METTL14: variants seen among roughly 807,000 people sequenced by gnomAD.
METTL14 encodes N(6)-adenosine-methyltransferase non-catalytic subunit METTL14.
In METTL14, 32 loss-of-function variants were observed where a neutral mutation model predicts 62.4. The ratio of observed to expected loss-of-function variants is 0.51; its 90% confidence interval spans 0.39 to 0.69. The LOEUF (loss-of-function observed/expected upper bound fraction) is 0.69, where lower values mean the gene tolerates loss of function less well. Among genes scored for constraint, METTL14 ranks in the 30% least tolerant of loss-of-function variants. The pLI is 0.00. For missense variants in METTL14, 340 were observed against 551.9 expected, an observed-to-expected ratio of 0.62 and a Z score of 3.85; for synonymous variants, 150 against 180.0, an observed-to-expected ratio of 0.83 and a Z score of 1.34.
chr4:118,695,534 G>A lies in METTL14; in HGVS notation c.503+1008G>A, dbSNP rs186232174. ...ATTGCACTTTAGCCTGGGTGACGGAGTGAGACTCCGTATTCTTGATAGCTT... is the reference window on the plus strand; with the variant it reads ...ATTGCACTTTAGCCTGGGTGACGGAATGAGACTCCGTATTCTTGATAGCTT... On this transcript the variant is annotated intron_variant, in intron 6 of 10. Coordinates refer to ENST00000388822, the MANE Select transcript of METTL14 (RefSeq NM_020961.4). Among the ~76,000 whole-genome samples the A allele has an allele frequency of 8.7e-4, 132 of 152,262 alleles. 1 individual carries two copies. The highest frequency in any genetic ancestry group is 3.0e-3 in the African/African-American group (126 of 41,560).
chr4:118,691,660 T>C (rs1462726450), intron 4 of METTL14, 48 bp downstream of exon 4: 9 of 932,884 alleles, frequency 9.6e-6, no homozygotes, highest in African/African-American at 1.7e-5. Context: ...ATTTAAGTTC[T>C]ATACCTGAAA....
At chr4:118,688,487 C>G (rs1724146491) in intron 2 of METTL14, among the ~76,000 whole-genome samples, 1 of 151,130 alleles carries the variant, frequency 6.6e-6, no homozygotes, top group Non-Finnish European at 1.5e-5. Context: ...TAATAAATAA[C>G]CCTAGGTAGG....
At position 118,691,554 on chromosome 4, in the gene METTL14, A is replaced by T. The variant is rs778592432; in HGVS notation, c.266A>T (p.Asp89Val). Residue 89 changes from aspartate to valine, a missense_variant, in exon 4 of 11, where the codon GAT becomes GTT. Physicochemically the swap from Asp to Val is radical, Grantham distance 152. Transcript: ENST00000388822. ...EYKDELEMQQ[D>V]EENLPYEEEI... ...AAGGATGAACTAGAAATGCAACAGG[A>T]TGAAGAAAATTTGCCATATGAAGAA... 7 of 1,555,340 alleles carry T rather than the reference A, an allele frequency of 4.5e-6. No individual in the cohort carries two copies. The East Asian group carries it at 1.2e-4, about 26-fold the overall frequency.
At chr4:118,699,556 A>G (rs1724524117) in intron 7 of METTL14, among the ~76,000 whole-genome samples, 1 of 152,164 alleles carries the variant, frequency 6.6e-6, no homozygotes, top group South Asian at 2.1e-4. Context: ...ATTAAAAACC[A>G]TTTTTTATCA....
intron 3 of METTL14, 123 bp downstream of exon 3, chr4:118,689,580 T>C: frequency 1.8e-6 from 1 of 542,994 alleles, no homozygotes; most frequent in Non-Finnish European, 3.3e-6. Flanking sequence ...TAATTGTCAG[T>C]GGCATATGTT....
intron 8 of METTL14, among the ~76,000 whole-genome samples, chr4:118,701,615 A>C (rs958980894): frequency 6.6e-6 from 1 of 152,220 alleles, no homozygotes; most frequent in African/African-American, 2.4e-5. Context: ...TGTAACAGTA[A>C]GACTTTGGGC....
intron 5 of METTL14, 41 bp from the exon 6 acceptor site, chr4:118,694,395 C>T (rs775939899): frequency 1.3e-6 from 2 of 1,515,142 alleles, no homozygotes; most frequent in Non-Finnish European, 1.8e-6. Flanking sequence ...ATATTAACTT[C>T]AGTTGAGATG....
Position 118,694,385 on chromosome 4 carries a change from A to G in METTL14, c.413-51A>G, listed in dbSNP as rs1280968217. The G allele has an allele frequency of 6.2e-6, 9 of 1,441,930 alleles. 1 individual carries two copies. The East Asian group carries it at 2.1e-4, about 33-fold the overall frequency. 89.3% of individuals were successfully genotyped at this position (1,441,930 alleles called of 1,614,324 possible). ...AGGGCTCATAACTTTTGAATTACTG[A>G]TATTAACTTCAGTTGAGATGAATTC... On this transcript the variant is annotated intron_variant, in intron 5 of 10. Transcript: ENST00000388822.
At chr4:118,690,295 C>T (rs1236378224) in intron 3 of METTL14, among the ~76,000 whole-genome samples, 1 of 151,770 alleles carries the variant, frequency 6.6e-6, no homozygotes, top group African/African-American at 2.4e-5. Flanking sequence ...GCCTCGGCCT[C>T]CCAAAGTGCT....
Position 118,710,034 on chromosome 4 carries a change from A to G in METTL14, c.1103A>G (p.Asn368Ser). Residue 368 changes from asparagine to serine, a missense_variant, in exon 11 of 11, where the codon AAC becomes AGC. Coordinates refer to ENST00000388822, the MANE Select transcript of METTL14 (RefSeq NM_020961.4). ...GTTGGACCAACGCTTACAAATAGCA[A>G]CTACAATGCAGAAACATATGCATCC... ...LTVGPTLTNS[N>S]YNAETYASYF... The G allele has an allele frequency of 6.2e-7, 1 of 1,613,160 alleles. No individual in the cohort carries two copies. The highest frequency in any genetic ancestry group is 8.5e-7 in the Non-Finnish European group (1 of 1,179,484).
At chr4:118,696,226 C>T (rs891334496) in intron 6 of METTL14, among the ~76,000 whole-genome samples, 6 of 150,368 alleles carry the variant, frequency 4.0e-5, no homozygotes, top group East Asian at 2.0e-4. Context: ...TAATATTCAT[C>T]GTATTTTAAA....
In METTL14 at chr4:118,710,764, T is replaced by TC. The variant is rs1724895906; in HGVS notation, c.*463dup. The stretch of plus-strand genomic sequence containing the variant: ...AATAAAAAGAGGTAAGCTTTTTTCT[T>TC]CTTTTTTTTTAAGTTTTAAATAAAC... On this transcript the variant is annotated 3_prime_UTR_variant, in exon 11 of 11. Coordinates refer to ENST00000388822, the MANE Select transcript of METTL14 (RefSeq NM_020961.4). The TC allele has an allele frequency of 6.6e-6, 1 of 152,386 alleles. No individual in the cohort carries two copies. The highest frequency in any genetic ancestry group is 1.5e-5 in the Non-Finnish European group (1 of 68,228). 9.4% of individuals were successfully genotyped at this position (152,386 alleles called of 1,614,324 possible).
At position 118,691,563 on chromosome 4, in the gene METTL14, A is replaced by G. The variant is rs779437245; in HGVS notation, c.275A>G (p.Asn92Ser). 1 of 1,556,498 alleles carries G rather than the reference A, an allele frequency of 6.4e-7. No homozygotes were observed. Among genetic ancestry groups the G allele is most frequent in the Non-Finnish European group, 8.7e-7 (1 of 1,150,162 alleles). The change falls in exon 4 of 11, where the codon AAT becomes AGT. Residue 92 changes from asparagine (N) to serine (S), a missense_variant. Physicochemically the swap from Asn to Ser is conservative, Grantham distance 46. This residue lies in a region of METTL14 where 111 missense variants were observed against 116.6 expected (regional missense o/e 0.95). Coordinates refer to ENST00000388822, the MANE Select transcript of METTL14 (RefSeq NM_020961.4). Reference sequence around the variant, plus strand: ...CTAGAAATGCAACAGGATGAAGAAAATTTGCCATATGAAGAAGAGATTTAC... The same window carrying G: ...CTAGAAATGCAACAGGATGAAGAAAGTTTGCCATATGAAGAAGAGATTTAC... ...DELEMQQDEE[N>S]LPYEEEIYKD... is the part of the protein sequence containing the mutation.
rs1292832302 is a variant in METTL14 at position 118,714,249 on chromosome 4, T to C, written c.*3947T>C. ...TTTACTTTCATCCATCTATCTGTGCTTTTTCTCACTTTGATGAGTTCTCTC... is the reference window on the plus strand; with the variant it reads ...TTTACTTTCATCCATCTATCTGTGCCTTTTCTCACTTTGATGAGTTCTCTC... On this transcript the variant is annotated 3_prime_UTR_variant, in exon 11 of 11. Transcript: ENST00000388822. 1 of 152,244 alleles carries C rather than the reference T, an allele frequency of 6.6e-6. No individual in the cohort carries two copies. The highest frequency in any genetic ancestry group is 1.5e-5 in the Non-Finnish European group (1 of 68,048). 9.4% of individuals were successfully genotyped at this position (152,244 alleles called of 1,614,324 possible). A position where few individuals can be genotyped will look rare whatever the true frequency, so the allele number is the denominator to read the frequency against.
At chr4:118,689,764 C>G (rs1411274306) in intron 3 of METTL14, among the ~76,000 whole-genome samples, 1 of 151,718 alleles carries the variant, frequency 6.6e-6, no homozygotes, top group Non-Finnish European at 1.5e-5. Context: ...CTGCCTCAGC[C>G]TCCCAAGTAG....
intron 7 of METTL14, among the ~76,000 whole-genome samples, chr4:118,700,224 A>T (rs1037273134): frequency 2.6e-5 from 4 of 152,150 alleles, no homozygotes; most frequent in African/African-American, 9.7e-5. Flanking sequence ...AGTAAATGAT[A>T]AAAGATTGCT....
intron 4 of METTL14, 78 bp from the exon 5 acceptor site, chr4:118,691,903 G>A (rs1461611944): frequency 2.2e-5 from 20 of 907,850 alleles, no homozygotes; most frequent in Non-Finnish European, 3.1e-5. Flanking sequence ...ATATCACCTT[G>A]TAATAGAAAA....
intron 5 of METTL14, 69 bp downstream of exon 5, chr4:118,692,137 G>T (rs1046799223): frequency 4.2e-5 from 39 of 928,714 alleles, no homozygotes; most frequent in Non-Finnish European, 5.5e-5. Context: ...TATCCAATTT[G>T]TGGATATTTC....
At position 118,714,127 on chromosome 4, in the gene METTL14, TATTA is replaced by T. The variant is rs1724995167; in HGVS notation, c.*3828_*3831del. ...AATGTAAAATGCATATGGGACTCTATATTAATAGAGAAGCAGGCCAAGAACTTTT... is the reference window on the plus strand; with the variant it reads ...AATGTAAAATGCATATGGGACTCTATATAGAGAAGCAGGCCAAGAACTTTT... On this transcript the variant is annotated 3_prime_UTR_variant, in exon 11 of 11. Coordinates refer to ENST00000388822, the MANE Select transcript of METTL14 (RefSeq NM_020961.4). The T allele has an allele frequency of 6.6e-6, 1 of 151,632 alleles. No individual in the cohort carries two copies. Among genetic ancestry groups the T allele is most frequent in the Non-Finnish European group, 1.5e-5 (1 of 68,036 alleles). 9.4% of individuals were successfully genotyped at this position (151,632 alleles called of 1,614,324 possible). A position where few individuals can be genotyped will look rare whatever the true frequency, so the allele number is the denominator to read the frequency against.
Sources: gnomAD v4.1 joint callset for allele counts (sites outside exome capture counted in the v4.1 genomes callset) on GRCh38, gnomAD v4.1.1 for gene constraint, gnomAD v4.1.1 regional missense constraint, MANE v1.5 for transcripts, NCBI Gene and HGNC (gene_info 2026-07-23, HGNC 2026-07-21) for gene names.